Variants in CD200R1L observed in about 807,000 individuals in gnomAD.
The protein encoded by CD200R1L is CD200 receptor 1 like.
Under a neutral mutation model 24.8 loss-of-function variants are expected in CD200R1L, and 14 were observed. The observed-to-expected ratio is 0.56, with a 90% CI of 0.37 to 0.88. The LOEUF is 0.88. CD200R1L is among the 40% of genes least tolerant of loss of function. CD200R1L has a pLI of 0.00. For synonymous variants in CD200R1L, 111 were observed against 109.2 expected, an observed-to-expected ratio of 1.02 and a Z score of -0.11; for missense variants, 299 against 297.8, an observed-to-expected ratio of 1.00 and a Z score of -0.03.
chr3:112,828,529 C>T (rs1938721346), intron 4 of CD200R1L, among the ~76,000 whole-genome samples: 1 of 152,152 alleles, frequency 6.6e-6, no homozygotes, highest in Non-Finnish European at 1.5e-5. Context: ...AAATTGGTGA[C>T]ATTGTCAAAT....
At chr3:112,834,328 C>G (rs1270588808) in intron 3 of CD200R1L, among the ~76,000 whole-genome samples, 4 of 151,440 alleles carry the variant, frequency 2.6e-5, no homozygotes, top group African/African-American at 7.3e-5. Flanking sequence ...ACCTCCACCT[C>G]CCTTCATTGT....
intron 3 of CD200R1L, among the ~76,000 whole-genome samples, chr3:112,835,974 G>T (rs184543854): frequency 6.6e-6 from 1 of 152,238 alleles, no homozygotes; most frequent in Non-Finnish European, 1.5e-5. Context: ...CCCCACAGCC[G>T]CAGTAGGCAA....
At position 112,846,824 on chromosome 3, in the gene CD200R1L, G is replaced by A. The variant is rs1939209129; in HGVS notation, c.-558C>T. 1 of 152,226 alleles carries A rather than the reference G, an allele frequency of 6.6e-6. No individual in the cohort carries two copies. Among genetic ancestry groups the A allele is most frequent in the Admixed American group, 6.5e-5 (1 of 15,282 alleles). The allele number at this position is 152,226 out of a possible 1,614,324, so 9.4% of individuals were successfully genotyped here. ...CTGGGCGCATACACAGGAACACCAT[G>A]TGAAGATAAAAGGCAGAGATCTGAG... On this transcript the variant is annotated 5_prime_UTR_variant, in exon 1 of 8. Coordinates refer to ENST00000488794, the MANE Select transcript of CD200R1L (RefSeq NM_001199215.3).
At chr3:112,832,907 C>T (rs1462380116) in intron 3 of CD200R1L, among the ~76,000 whole-genome samples, 3 of 152,194 alleles carry the variant, frequency 2.0e-5, no homozygotes, top group African/African-American at 7.2e-5. Context: ...CAAAGACCAT[C>T]ATATTGGTCT....
Position 112,828,101 on chromosome 3 carries a change from G to T in CD200R1L, c.50-417C>A, listed in dbSNP as rs151061478. On this transcript the variant is annotated intron_variant, in intron 4 of 7. Coordinates refer to ENST00000488794, the MANE Select transcript of CD200R1L (RefSeq NM_001199215.3). ...CATACAATTCATGTGCCTTGGAAAA[G>T]AAAATGGAATAACTAGTGATGTGAT... is the stretch of plus-strand genomic sequence containing the variant. Among the ~76,000 whole-genome samples, 6 of 152,244 alleles carry T rather than the reference G, an allele frequency of 3.9e-5. No homozygotes were observed. The East Asian group carries it at 1.2e-3, about 29-fold the overall frequency.
chr3:112,832,443 T>G (rs1938823503), intron 3 of CD200R1L, among the ~76,000 whole-genome samples: 1 of 152,286 alleles, frequency 6.6e-6, no homozygotes, highest in East Asian at 1.9e-4. Context: ...AGTGCTATTA[T>G]AATAGGAAAG....
At position 112,845,923 on chromosome 3, in the gene CD200R1L, C is replaced by CA. The variant is rs1419920298; in HGVS notation, c.-332dup. 511 of 533,598 alleles carry CA rather than the reference C, an allele frequency of 9.6e-4. 13 individuals are homozygous for CA. In the Admixed American group the frequency reaches 0.017, roughly 18 times the overall value. 33.1% of individuals were successfully genotyped at this position (533,598 alleles called of 1,614,324 possible). A position where few individuals can be genotyped will look rare whatever the true frequency, so the allele number is the denominator to read the frequency against. On this transcript the variant is annotated 5_prime_UTR_variant, in exon 2 of 8. Transcript: ENST00000488794. ...TTCTATATGTTTTTGACTGATTAAC[C>CA]ACTGATGGGAAATGTCAGTGAGTTT...
intron 4 of CD200R1L, 43 bp downstream of exon 4, chr3:112,829,276 T>G: frequency 6.7e-7 from 1 of 1,495,220 alleles, no homozygotes; most frequent in Non-Finnish European, 9.3e-7. Context: ...GAAGTTCAAC[T>G]TTCCATCCCT....
rs1939185177 is a variant in CD200R1L at position 112,845,678 on chromosome 3, C to A, written c.-87+1G>T. Reference sequence around the variant, plus strand: ...TGAAAATGTCACAGTATCAGACTTACCAGACACCATGATAATGATGGAAAT... The same window carrying A: ...TGAAAATGTCACAGTATCAGACTTAACAGACACCATGATAATGATGGAAAT... On this transcript the variant is annotated splice_donor_variant, in intron 2 of 7. Coordinates refer to ENST00000488794, the MANE Select transcript of CD200R1L (RefSeq NM_001199215.3). LOFTEE classifies it low-confidence loss of function (5UTR_SPLICE). 6.2e-7 allele frequency: 1 copy of A among 1,611,482 alleles called. No individual in the cohort carries two copies. Among genetic ancestry groups the A allele is most frequent in the African/African-American group, 1.3e-5 (1 of 74,870 alleles).
rs1486532284 is a variant in CD200R1L, at chr3:112,846,849, G to C, written c.-583C>G. The C allele has an allele frequency of 6.6e-6, 1 of 152,198 alleles. No individual in the cohort carries two copies. The highest frequency in any genetic ancestry group is 1.5e-5 in the Non-Finnish European group (1 of 68,040). 9.4% of individuals were successfully genotyped at this position (152,198 alleles called of 1,614,324 possible). On this transcript the variant is annotated 5_prime_UTR_variant, in exon 1 of 8. Transcript: ENST00000488794. The stretch of plus-strand genomic sequence containing the variant: ...GTGAAGATAAAAGGCAGAGATCTGA[G>C]TGATGTTTCTTCTACAAGCCAAGGA...
intron 6 of CD200R1L, among the ~76,000 whole-genome samples, chr3:112,821,112 A>C (rs1938526053): frequency 6.6e-6 from 1 of 151,982 alleles, no homozygotes; most frequent in South Asian, 2.1e-4. Context: ...CCACCTAAAG[A>C]ATGTGTGAAC....
intron 2 of CD200R1L, among the ~76,000 whole-genome samples, chr3:112,845,442 A>C (rs886375919): frequency 6.6e-6 from 1 of 152,110 alleles, no homozygotes; most frequent in Non-Finnish European, 1.5e-5. Flanking sequence ...TAGGTCACAA[A>C]ATTTTAGTTT....
rs201810725 is a variant in CD200R1L at position 112,827,480 on chromosome 3, T to C, written c.254A>G (p.Gln85Arg). The change falls in exon 5 of 8, where the codon CAG becomes CGG. Residue 85 changes from glutamine (Q) to arginine (R), a missense_variant. Gln to Arg is a conservative substitution (Grantham distance 43, BLOSUM62 1). Transcript: ENST00000488794. ...CGGACGAATCTGAAGGTCCGAATTC[T>C]GATCAGGTCTAGAGACCCAGGTTAT... ...ERITWVSRPD[Q>R]NSDLQIRPVD... 1.3e-4 allele frequency: 203 copies of C among 1,614,090 alleles called. No homozygotes were observed. Among genetic ancestry groups the C allele is most frequent in the Non-Finnish European group, 1.6e-4 (194 of 1,180,018 alleles).
At chr3:112,830,177 C>T (rs1240709247) in intron 3 of CD200R1L, among the ~76,000 whole-genome samples, 1 of 152,210 alleles carries the variant, frequency 6.6e-6, no homozygotes, top group Non-Finnish European at 1.5e-5. Flanking sequence ...ACATTTGTTT[C>T]AGTCCAAATC....
At chr3:112,829,004 A>G (rs1938733581) in intron 4 of CD200R1L, among the ~76,000 whole-genome samples, 3 of 152,214 alleles carry the variant, frequency 2.0e-5, no homozygotes, top group South Asian at 2.1e-4. Flanking sequence ...TTTAACCCTT[A>G]TATTTGACAG....
Position 112,838,018 on chromosome 3 carries a change from A to G in CD200R1L, c.-86-8T>C. 1 of 1,192,386 alleles carries G rather than the reference A, an allele frequency of 8.4e-7. No individual in the cohort carries two copies. The highest frequency in any genetic ancestry group is 1.1e-6 in the Non-Finnish European group (1 of 924,822). 73.9% of individuals were successfully genotyped at this position (1,192,386 alleles called of 1,614,324 possible). Reference sequence around the variant, plus strand: ...AGGAATTATTATCTGAGGCTAGAAAATATTTAAAGAAGAAATATGGAGAAA... The same window carrying G: ...AGGAATTATTATCTGAGGCTAGAAAGTATTTAAAGAAGAAATATGGAGAAA... On this transcript the variant is annotated splice_polypyrimidine_tract_variant and splice_region_variant and intron_variant, in intron 2 of 7. Coordinates refer to ENST00000488794, the MANE Select transcript of CD200R1L (RefSeq NM_001199215.3).
At chr3:112,818,317 G>A (rs1005993799) in intron 7 of CD200R1L, among the ~76,000 whole-genome samples, 3 of 152,176 alleles carry the variant, frequency 2.0e-5, no homozygotes, top group Middle Eastern at 3.4e-3. Flanking sequence ...TCCATCCAAC[G>A]GCTACAACCT....
intron 2 of CD200R1L, among the ~76,000 whole-genome samples, chr3:112,843,813 C>T (rs1163105940): frequency 6.6e-6 from 1 of 151,804 alleles, no homozygotes; most frequent in Non-Finnish European, 1.5e-5. Flanking sequence ...CTATCTCACA[C>T]AGACCTAACA....
intron 3 of CD200R1L, among the ~76,000 whole-genome samples, chr3:112,836,711 A>T (rs907083736): frequency 1.3e-5 from 2 of 152,218 alleles, no homozygotes; most frequent in Non-Finnish European, 2.9e-5. Flanking sequence ...ATATTAGTAG[A>T]TTATTTAATA....
Sources: gnomAD v4.1 joint callset for allele counts (sites outside exome capture counted in the v4.1 genomes callset) on GRCh38, gnomAD v4.1.1 for gene constraint, MANE v1.5 for transcripts, NCBI Gene and HGNC (gene_info 2026-07-23, HGNC 2026-07-21) for gene names.